The following TNIP2 variants were observed in gnomAD, a reference collection of about 807,000 sequenced individuals.
The protein encoded by TNIP2 is TNFAIP3-interacting protein 2.
TNIP2 carries 30 observed loss-of-function variants against 43.7 expected under a neutral mutation model. The observed-to-expected ratio is 0.69, with a 90% confidence interval of 0.51 to 0.93. The LOEUF is 0.93. Ranked by LOEUF, TNIP2 falls within the 40% of genes least tolerant of loss-of-function variation. TNIP2 has a pLI of 0.00. For synonymous variants in TNIP2, 260 were observed against 254.6 expected, an observed-to-expected ratio of 1.02 and a Z score of -0.20; for missense variants, 599 against 591.0, an observed-to-expected ratio of 1.01 and a Z score of -0.14.
intron 1 of TNIP2, among the ~76,000 whole-genome samples, chr4:2,755,391 G>C (rs555772762): frequency 8.6e-5 from 13 of 150,320 alleles, no homozygotes; most frequent in African/African-American, 2.9e-4. Context: ...CACACACACA[G>C]AACCCAAGAA....
intron 1 of TNIP2, among the ~76,000 whole-genome samples, chr4:2,754,327 A>T (rs1195736861): frequency 6.6e-6 from 1 of 152,282 alleles, no homozygotes; most frequent in East Asian, 1.9e-4. Context: ...ACTGTTACTT[A>T]TACTGCTGTT....
At chr4:2,745,303 A>G in intron 3 of TNIP2, 143 bp downstream of exon 3, 1 of 671,974 alleles carries the variant, frequency 1.5e-6, no homozygotes, top group Non-Finnish European at 2.6e-6. Context: ...TAAGCAAAAA[A>G]GTCCAGTCTC....
Position 2,742,418 on chromosome 4 carries a change from G to T in TNIP2, c.1129C>A (p.Pro377Thr), listed in dbSNP as rs1293641012. ...LELMVPGGWR[P>T]GTGSQQPEPP... is the part of the protein sequence containing the mutation. Reference sequence around the variant, plus strand: ...TCTGGCTGCTGGGACCCAGTCCCAGGCCTCCAGCCACCAGGCACCATAAGC... The same window carrying T: ...TCTGGCTGCTGGGACCCAGTCCCAGTCCTCCAGCCACCAGGCACCATAAGC... The change falls in exon 6 of 6, where the codon CCT (proline) becomes ACT (threonine). Residue 377 changes from proline to threonine, a missense_variant. Physicochemically the swap from Pro to Thr is conservative, Grantham distance 38. Coordinates refer to ENST00000315423, the MANE Select transcript of TNIP2 (RefSeq NM_024309.4). 1 of 1,612,796 alleles carries T rather than the reference G, an allele frequency of 6.2e-7. No individual in the cohort carries two copies. Among genetic ancestry groups the T allele is most frequent in the South Asian group, 1.1e-5 (1 of 90,872 alleles).
In TNIP2 at chr4:2,744,951, G is replaced by A. The variant is rs367562172; in HGVS notation, c.658-6C>T. The A allele has an allele frequency of 6.3e-7, 1 of 1,598,984 alleles. No homozygotes were observed. The highest frequency in any genetic ancestry group is 8.6e-7 in the Non-Finnish European group (1 of 1,168,672). On this transcript the variant is annotated splice_region_variant and splice_polypyrimidine_tract_variant and intron_variant, in intron 3 of 5. Coordinates refer to ENST00000315423, the MANE Select transcript of TNIP2 (RefSeq NM_024309.4). The surrounding 1 kb of genome is among the most constrained non-coding windows in gnomAD (Gnocchi z 5.1). ...TTGGCATTGAGGTCTTCAACCTGAA[G>A]AGGTGGAGCCGGAAAGCTCACGGTG...
chr4:2,751,501 C>G (rs1371544410), intron 1 of TNIP2, among the ~76,000 whole-genome samples: 2 of 152,178 alleles, frequency 1.3e-5, no homozygotes, highest in Non-Finnish European at 2.9e-5. Context: ...GAAGTGTATT[C>G]TCCCAAAGCC....
chr4:2,743,022 T>C (rs1304173741), intron 5 of TNIP2, among the ~76,000 whole-genome samples: 1 of 152,124 alleles, frequency 6.6e-6, no homozygotes, highest in Non-Finnish European at 1.5e-5. Context: ...CCTGGCATGA[T>C]CTGGCACATG....
chr4:2,752,485 C>A (rs1230330058), intron 1 of TNIP2, among the ~76,000 whole-genome samples: 1 of 152,226 alleles, frequency 6.6e-6, no homozygotes, highest in Non-Finnish European at 1.5e-5. Context: ...CACAGACGCA[C>A]TGGTCAGCTC....
intron 2 of TNIP2, 91 bp from the exon 3 acceptor site, chr4:2,745,626 A>C: frequency 1.2e-6 from 1 of 854,582 alleles, no homozygotes; most frequent in South Asian, 1.4e-5. Context: ...ACAGATTATC[A>C]CTGCGTCCCC....
At chr4:2,750,423 T>C (rs1006315693) in intron 1 of TNIP2, among the ~76,000 whole-genome samples, 3 of 149,114 alleles carry the variant, frequency 2.0e-5, no homozygotes, top group African/African-American at 7.4e-5. Flanking sequence ...ATTATTATTA[T>C]TATTATTATT....
intron 1 of TNIP2, among the ~76,000 whole-genome samples, chr4:2,754,036 C>A (rs1722164734): frequency 6.6e-6 from 1 of 152,240 alleles, no homozygotes; most frequent in South Asian, 2.1e-4. Flanking sequence ...CATCCCTGCA[C>A]TGTGGGACTA....
At position 2,747,737 on chromosome 4, in the gene TNIP2, G is replaced by A; in HGVS notation, c.485C>T (p.Ala162Val). ...HQLRRTLTAT[A>V]HMCQHLAKCL... ...CTTGGCCAGATGCTGACACATGTGG[G>A]CGGTGGCGGTCAGCGTCCTCCGCAG... Residue 162 changes from alanine (A) to valine (V), a missense_variant, in exon 2 of 6, where the codon GCC becomes GTC. Transcript: ENST00000315423. The A allele has an allele frequency of 3.1e-6, 5 of 1,607,836 alleles. No individual in the cohort carries two copies. Among genetic ancestry groups the A allele is most frequent in the Admixed American group, 1.7e-5 (1 of 60,012 alleles).
At position 2,744,123 on chromosome 4, in the gene TNIP2, G is replaced by A. The variant is rs112186319; in HGVS notation, c.1026+264C>T. Among the ~76,000 whole-genome samples the A allele has an allele frequency of 7.2e-5, 11 of 152,248 alleles. 2 individuals carry two copies. Among genetic ancestry groups the A allele is most frequent in the African/African-American group, 2.2e-4 (9 of 41,558 alleles). On this transcript the variant is annotated intron_variant, in intron 5 of 5. Transcript: ENST00000315423. The surrounding 1 kb of genome is among the most constrained non-coding windows in gnomAD (Gnocchi z 5.1). ...TGCTCTCTGACTGCATGACAGTGAC[G>A]GACGGGCCCTGAGGACAGCCACCTC...
chr4:2,743,986 G>A (rs780568950), intron 5 of TNIP2, among the ~76,000 whole-genome samples: 26 of 152,190 alleles, frequency 1.7e-4, no homozygotes, highest in Non-Finnish European at 3.4e-4. Context: ...GCTGAGCTGG[G>A]GATGTTACTG....
rs937675250 is a variant in TNIP2 at position 2,742,329 on chromosome 4, A to G, written c.1218T>C (p.Pro406=). 11 of 1,562,644 alleles carry G rather than the reference A, an allele frequency of 7.0e-6. No individual in the cohort carries two copies. Among genetic ancestry groups the G allele is most frequent in the Non-Finnish European group, 9.5e-6 (11 of 1,151,834 alleles). The change falls in exon 6 of 6, where the codon CCT becomes CCC. Residue 406 remains proline (P), a synonymous_variant. Transcript: ENST00000315423. ...CGTCACTGAAGCACTGCAGGCAGTGAGGGCACTGAAGGTCCCCCTGGCCTC... is the reference window on the plus strand; with the variant it reads ...CGTCACTGAAGCACTGCAGGCAGTGGGGGCACTGAAGGTCCCCCTGGCCTC... ...AQRGQGDLQC[P]HCLQCFSDEQ...
At chr4:2,751,702 G>A (rs997218189) in intron 1 of TNIP2, among the ~76,000 whole-genome samples, 1 of 152,036 alleles carries the variant, frequency 6.6e-6, no homozygotes, top group Admixed American at 6.6e-5. Flanking sequence ...AAGCCCAGGA[G>A]GTCAAGGCTG....
chr4:2,744,236 A>AGGTGGCTCTCCCCACAGCAGGG lies in TNIP2; in HGVS notation c.1026+129_1026+150dup. On this transcript the variant is annotated intron_variant, in intron 5 of 5. Coordinates refer to ENST00000315423, the MANE Select transcript of TNIP2 (RefSeq NM_024309.4). The surrounding 1 kb of genome is among the most constrained non-coding windows in gnomAD (Gnocchi z 5.1). Reference sequence around the variant, plus strand: ...CATGACCACGCCCAGGTACCAGGCCAGGTGGCTCTCCCCACAGCAGGGAGG... The same window carrying AGGTGGCTCTCCCCACAGCAGGG: ...CATGACCACGCCCAGGTACCAGGCCAGGTGGCTCTCCCCACAGCAGGGGGTGGCTCTCCCCACAGCAGGGAGG... The AGGTGGCTCTCCCCACAGCAGGG allele has an allele frequency of 2.2e-6, 2 of 913,820 alleles. No homozygotes were observed. The allele number at this position is 913,820 out of a possible 1,614,324, so 56.6% of individuals were successfully genotyped here.
Position 2,747,897 on chromosome 4 carries a change from G to GC in TNIP2, c.324dup (p.Gln109AlafsTer33). On this transcript the variant is annotated frameshift_variant, in exon 2 of 6. Coordinates refer to ENST00000315423, the MANE Select transcript of TNIP2 (RefSeq NM_024309.4). LOFTEE classifies it high-confidence loss of function. ...TGTTGGGGCTGGCTCAGCAGCTGCT[G>GC]CATCTCCCTCTCTTTTTCTTCTAGT... 1 of 1,613,624 alleles carries GC rather than the reference G, an allele frequency of 6.2e-7. No homozygotes were observed. Among genetic ancestry groups the GC allele is most frequent in the Non-Finnish European group, 8.5e-7 (1 of 1,180,020 alleles).
chr4:2,746,380 C>T (rs1445277805), intron 2 of TNIP2, among the ~76,000 whole-genome samples: 1 of 152,194 alleles, frequency 6.6e-6, no homozygotes, highest in African/African-American at 2.4e-5. Context: ...CCTACCCTGC[C>T]ACTGGCCCCA....
chr4:2,755,764 AC>A (rs1722218796), intron 1 of TNIP2, among the ~76,000 whole-genome samples: 2 of 42,756 alleles, frequency 4.7e-5, no homozygotes, highest in African/African-American at 9.3e-5. Context: ...CACCCCCTCA[AC>A]CCCCAGGACC....
Sources: gnomAD v4.1 joint callset for allele counts (sites outside exome capture counted in the v4.1 genomes callset) on GRCh38, gnomAD v4.1.1 for gene constraint, Gnocchi (gnomAD v3.1) non-coding constraint, MANE v1.5 for transcripts, NCBI Gene and HGNC (gene_info 2026-07-23, HGNC 2026-07-21) for gene names.